Variants in TMEM132D observed in about 807,000 individuals in gnomAD.
TMEM132D encodes mature OL transmembrane protein.
TMEM132D carries 21 observed loss-of-function variants against 62.3 expected under a neutral mutation model. The observed-to-expected ratio is 0.34, with a 90% confidence interval of 0.24 to 0.49. The LOEUF is 0.49. Among genes scored for constraint, TMEM132D ranks in the 20% least tolerant of loss-of-function variants. TMEM132D has a pLI of 0.99. For synonymous variants in TMEM132D, 621 were observed against 575.6 expected (o/e 1.08, Z -1.13); for missense variants, 1,346 against 1,402.8 (o/e 0.96, Z 0.65).
At chr12:129,412,535 C>T (rs1435280887) in intron 3 of TMEM132D, among the ~76,000 whole-genome samples, 1 of 152,002 alleles carries the variant, frequency 6.6e-6, no homozygotes, top group Admixed American at 6.6e-5. Context: ...ATTCTTCCTA[C>T]AGAGAAGGAA....
At chr12:129,724,462 A>T (rs1471960111) in intron 1 of TMEM132D, among the ~76,000 whole-genome samples, 1 of 152,126 alleles carries the variant, frequency 6.6e-6, no homozygotes, top group Non-Finnish European at 1.5e-5. Flanking sequence ...GTGGCTTTGG[A>T]CTTTTGGCTT....
chr12:129,092,909 G>A (rs1874978176), intron 5 of TMEM132D, among the ~76,000 whole-genome samples: 1 of 152,088 alleles, frequency 6.6e-6, no homozygotes, highest in South Asian at 2.1e-4. Context: ...TGCCACACTG[G>A]GCTAATCAGA....
At chr12:129,353,476 C>A (rs924171423) in intron 3 of TMEM132D, among the ~76,000 whole-genome samples, 22 of 152,126 alleles carry the variant, frequency 1.4e-4, no homozygotes, top group African/African-American at 4.8e-4. Context: ...GAGTCCCATC[C>A]TGCCAGCCCC....
rs1302065796 is a variant in TMEM132D at position 129,356,312 on chromosome 12, A to G, written c.1116-18495T>C. 4.4e-5 allele frequency among the ~76,000 whole-genome samples: 3 copies of G among 68,578 alleles called. 1 individual carries two copies. Among genetic ancestry groups the G allele is most frequent in the East Asian group, 2.9e-4 (1 of 3,444 alleles). 45.0% of individuals were successfully genotyped at this position (68,578 alleles called of 152,430 possible). ...GCTGGGACTACAGGCGCCCGCCACT[A>G]CGCCCGGCTAATTTTTTTGTATTTT... On this transcript the variant is annotated intron_variant, in intron 3 of 8. Transcript: ENST00000422113.
At chr12:129,767,004 G>A (rs1308594744) in intron 1 of TMEM132D, among the ~76,000 whole-genome samples, 3 of 152,156 alleles carry the variant, frequency 2.0e-5, no homozygotes, top group South Asian at 2.1e-4. Flanking sequence ...CTGCACAGCC[G>A]CCCCTGGGCT....
intron 1 of TMEM132D, among the ~76,000 whole-genome samples, chr12:129,798,846 G>A (rs75815897): frequency 0.012 from 1,801 of 152,326 alleles, 37 homozygotes; most frequent in African/African-American, 0.041. Context: ...GGCTTGAGCA[G>A]AAGTTGCAAG....
intron 5 of TMEM132D, among the ~76,000 whole-genome samples, chr12:129,121,554 C>A (rs1185275864): frequency 2.0e-5 from 3 of 152,114 alleles, no homozygotes. Flanking sequence ...GGACTCAACC[C>A]ACTGTTGCTG....
At chr12:129,497,948 A>G (rs940214278) in intron 3 of TMEM132D, among the ~76,000 whole-genome samples, 3 of 152,062 alleles carry the variant, frequency 2.0e-5, no homozygotes, top group African/African-American at 7.2e-5. Flanking sequence ...GGCATAAGCT[A>G]CTATGCCCAA....
chr12:129,103,279 G>A (rs1033481888), intron 5 of TMEM132D, among the ~76,000 whole-genome samples: 3 of 152,148 alleles, frequency 2.0e-5, no homozygotes, highest in African/African-American at 2.4e-5. Flanking sequence ...TCACCCCACA[G>A]CATCAGTTCC....
rs572590335 is a variant in TMEM132D at position 129,617,350 on chromosome 12, C to T, written c.968+82460G>A. On this transcript the variant is annotated intron_variant, in intron 2 of 8. Transcript: ENST00000422113. Reference sequence around the variant, plus strand: ...CCAGGAAGGTCTTCTCCCACCTACTCAACCCAGTTGTTGTCTCAGGCCTCA... The same window carrying T: ...CCAGGAAGGTCTTCTCCCACCTACTTAACCCAGTTGTTGTCTCAGGCCTCA... 4.6e-5 allele frequency among the ~76,000 whole-genome samples: 7 copies of T among 152,350 alleles called. No homozygotes were observed. In the East Asian group the frequency reaches 1.2e-3, roughly 25 times the overall value.
chr12:129,696,040 A>G (rs917947471), intron 2 of TMEM132D, among the ~76,000 whole-genome samples: 5 of 152,230 alleles, frequency 3.3e-5, no homozygotes, highest in Admixed American at 2.0e-4. Flanking sequence ...CTGGGCCAAC[A>G]CAGGTTCAAA....
At chr12:129,624,732 G>A (rs1879166341) in intron 2 of TMEM132D, among the ~76,000 whole-genome samples, 1 of 152,240 alleles carries the variant, frequency 6.6e-6, no homozygotes, top group African/African-American at 2.4e-5. Context: ...ATGCAGGTCA[G>A]CCTGTCAGGC....
chr12:129,557,995 A>T (rs1877109502), intron 2 of TMEM132D, among the ~76,000 whole-genome samples: 2 of 152,256 alleles, frequency 1.3e-5, no homozygotes, highest in Non-Finnish European at 2.9e-5. Context: ...ATTACTCAAC[A>T]TAATACAGTG....
At chr12:129,544,874 T>C (rs1178499758) in intron 2 of TMEM132D, among the ~76,000 whole-genome samples, 1 of 152,202 alleles carries the variant, frequency 6.6e-6, no homozygotes, top group Non-Finnish European at 1.5e-5. Flanking sequence ...GAGACTATGA[T>C]AACTGGCAAA....
chr12:129,237,895 G>A (rs1047821886), intron 4 of TMEM132D, among the ~76,000 whole-genome samples: 9 of 152,116 alleles, frequency 5.9e-5, no homozygotes, highest in African/African-American at 2.2e-4. Flanking sequence ...CAGGAGAATC[G>A]CTTGAACTCT....
chr12:129,723,747 C>T (rs1024401020), intron 1 of TMEM132D, among the ~76,000 whole-genome samples: 2 of 152,196 alleles, frequency 1.3e-5, no homozygotes, highest in Non-Finnish European at 1.5e-5. Flanking sequence ...TCTCGTCTCT[C>T]AAAGTAGCCC....
chr12:129,461,993 A>T (rs944688145), intron 3 of TMEM132D, among the ~76,000 whole-genome samples: 2 of 152,164 alleles, frequency 1.3e-5, no homozygotes, highest in South Asian at 2.1e-4. Flanking sequence ...CATGTTACAC[A>T]TTTTAAAAAT....
chr12:129,246,666 T>C (rs548698529), intron 4 of TMEM132D, among the ~76,000 whole-genome samples: 4 of 152,106 alleles, frequency 2.6e-5, no homozygotes, highest in Non-Finnish European at 5.9e-5. Flanking sequence ...CTCGGGAGAC[T>C]GAGGCAGGAG....
intron 3 of TMEM132D, among the ~76,000 whole-genome samples, chr12:129,512,705 T>C (rs921402513): frequency 2.6e-5 from 4 of 152,348 alleles, no homozygotes; most frequent in African/African-American, 9.6e-5. Flanking sequence ...TCTGGTCAGC[T>C]TGTGCTAACT....
Sources: gnomAD v4.1 joint callset for allele counts (sites outside exome capture counted in the v4.1 genomes callset) on GRCh38, gnomAD v4.1.1 for gene constraint, MANE v1.5 for transcripts, NCBI Gene and HGNC (gene_info 2026-07-23, HGNC 2026-07-21) for gene names.